The following SLC25A13 variants were observed in gnomAD, a reference collection of about 807,000 sequenced individuals.
The protein encoded by SLC25A13 is solute carrier family 25 member 13.
In SLC25A13, 70 loss-of-function variants were observed where a neutral mutation model predicts 85.5. The ratio of observed to expected loss-of-function variants is 0.82; its 90% CI spans 0.68 to 1.00. The LOEUF (loss-of-function observed/expected upper bound fraction) is 1.00, where lower values mean the gene tolerates loss of function less well. Among genes scored for constraint, SLC25A13 ranks in the 50% least tolerant of loss-of-function variants. SLC25A13 has a pLI of 0.00. For synonymous variants in SLC25A13, 259 were observed against 288.7 expected, an observed-to-expected ratio of 0.90 and a Z score of 1.04; for missense variants, 765 against 819.8, an observed-to-expected ratio of 0.93 and a Z score of 0.82.
At chr7:96,267,457 T>C (rs1562889617) in intron 3 of SLC25A13, among the ~76,000 whole-genome samples, 1 of 152,200 alleles carries the variant, frequency 6.6e-6, no homozygotes, top group Non-Finnish European at 1.5e-5. Flanking sequence ...TTGATGCCTT[T>C]ATTCTTCATG....
chr7:96,194,580 A>T (rs1245447613), intron 5 of SLC25A13, among the ~76,000 whole-genome samples: 2 of 151,512 alleles, frequency 1.3e-5, no homozygotes, highest in African/African-American at 4.8e-5. Context: ...CATCGTATTT[A>T]TTCAAGTTAT....
intron 5 of SLC25A13, among the ~76,000 whole-genome samples, chr7:96,199,552 C>G (rs187852671): frequency 6.6e-6 from 1 of 152,222 alleles, no homozygotes; most frequent in East Asian, 1.9e-4. Context: ...AATGGCCCTT[C>G]CTATCACCTA....
In SLC25A13 at chr7:96,264,437, T is replaced by A. The variant is rs888117147; in HGVS notation, c.212+12759A>T. On this transcript the variant is annotated intron_variant, in intron 3 of 17. Coordinates refer to ENST00000265631, the MANE Select transcript of SLC25A13 (RefSeq NM_014251.3). ...AAATCAAAGAAACCAAAAGACAACC[T>A]GTCCCCAAATCTCACCACTACATCT... Among the ~76,000 whole-genome samples, 6 of 152,164 alleles carry A rather than the reference T, an allele frequency of 3.9e-5. No homozygotes were observed. In the East Asian group the frequency reaches 1.2e-3, roughly 29 times the overall value.
intron 3 of SLC25A13, among the ~76,000 whole-genome samples, chr7:96,243,392 G>A (rs977727109): frequency 1.3e-5 from 2 of 152,210 alleles, no homozygotes; most frequent in Non-Finnish European, 2.9e-5. Flanking sequence ...AACCACATTT[G>A]CAGATGGGTG....
At chr7:96,169,205 C>T (rs1191110311) in intron 13 of SLC25A13, among the ~76,000 whole-genome samples, 5 of 152,082 alleles carry the variant, frequency 3.3e-5, no homozygotes, top group Admixed American at 1.3e-4. Flanking sequence ...CATTGCCCAA[C>T]GTCTACATTC....
At chr7:96,204,496 AC>A in intron 5 of SLC25A13, among the ~76,000 whole-genome samples, 1 of 152,020 alleles carries the variant, frequency 6.6e-6, no homozygotes, top group East Asian at 1.9e-4. Flanking sequence ...GCGCTAATGC[AC>A]CACTGCACTC....
intron 14 of SLC25A13, among the ~76,000 whole-genome samples, chr7:96,133,520 A>G (rs1792131929): frequency 6.6e-6 from 1 of 152,110 alleles, no homozygotes; most frequent in Non-Finnish European, 1.5e-5. Flanking sequence ...AGTTTTTTCC[A>G]CTTCTCCCAG....
chr7:96,184,178 T>C, intron 11 of SLC25A13, 99 bp downstream of exon 11: 1 of 1,441,422 alleles, frequency 6.9e-7, no homozygotes, highest in Non-Finnish European at 9.8e-7. Context: ...TGTATTTCCA[T>C]TTTAACGCAG....
intron 3 of SLC25A13, among the ~76,000 whole-genome samples, chr7:96,265,922 GCAAA>G (rs1798030133): frequency 6.6e-6 from 1 of 152,124 alleles, no homozygotes; most frequent in Admixed American, 6.6e-5. Flanking sequence ...GGCAGAAGGG[GCAAA>G]CAGATTCCCT....
chr7:96,141,216 T>A (rs1274149294), intron 14 of SLC25A13, among the ~76,000 whole-genome samples: 2 of 152,058 alleles, frequency 1.3e-5, no homozygotes, highest in African/African-American at 4.8e-5. Flanking sequence ...TTTGGAGGGA[T>A]GGTGTCTTGC....
At chr7:96,132,487 A>T (rs1238232447) in intron 14 of SLC25A13, among the ~76,000 whole-genome samples, 1 of 152,200 alleles carries the variant, frequency 6.6e-6, no homozygotes, top group Non-Finnish European at 1.5e-5. Flanking sequence ...TAAAGCCTGA[A>T]ATATTCACAA....
intron 5 of SLC25A13, among the ~76,000 whole-genome samples, chr7:96,194,271 CAAAAA>C (rs150127746): frequency 4.0e-5 from 5 of 123,976 alleles, no homozygotes; most frequent in Admixed American, 8.2e-5. Context: ...CCCATCTCTA[CAAAAA>C]AAAAAAAAAA....
chr7:96,166,496 A>G (rs1318919058), intron 13 of SLC25A13, among the ~76,000 whole-genome samples: 1 of 152,100 alleles, frequency 6.6e-6, no homozygotes, highest in African/African-American at 2.4e-5. Context: ...TAGTCATTGC[A>G]CCACTTGTAT....
At chr7:96,214,377 T>C (rs2116735706) in intron 4 of SLC25A13, among the ~76,000 whole-genome samples, 1 of 152,230 alleles carries the variant, frequency 6.6e-6, no homozygotes, top group Non-Finnish European at 1.5e-5. Flanking sequence ...AAAATCAATA[T>C]ACAAATATCA....
At chr7:96,240,531 G>C (rs1796929451) in intron 3 of SLC25A13, among the ~76,000 whole-genome samples, 1 of 152,120 alleles carries the variant, frequency 6.6e-6, no homozygotes, top group South Asian at 2.1e-4. Context: ...AGGAAGACCA[G>C]AGATGAAGAA....
intron 3 of SLC25A13, among the ~76,000 whole-genome samples, chr7:96,246,692 T>A (rs987086102): frequency 2.0e-5 from 3 of 152,216 alleles, no homozygotes; most frequent in South Asian, 2.1e-4. Context: ...ACATTTTGGA[T>A]ACACACAAAA....
intron 3 of SLC25A13, among the ~76,000 whole-genome samples, chr7:96,243,949 C>T (rs1797087079): frequency 6.6e-6 from 1 of 152,056 alleles, no homozygotes; most frequent in African/African-American, 2.4e-5. Flanking sequence ...ATGTGACTCG[C>T]CTCAGAGTTA....
intron 2 of SLC25A13, among the ~76,000 whole-genome samples, chr7:96,292,134 T>G (rs1214652982): frequency 2.0e-5 from 3 of 151,950 alleles, no homozygotes; most frequent in Non-Finnish European, 4.4e-5. Context: ...CATACGCAAA[T>G]CAATAAAAGT....
chr7:96,319,500 C>A (rs1562975268), intron 1 of SLC25A13, among the ~76,000 whole-genome samples: 1 of 146,416 alleles, frequency 6.8e-6, no homozygotes, highest in Non-Finnish European at 1.5e-5. Flanking sequence ...CAAGATCATG[C>A]CACTGCACTC....
Sources: gnomAD v4.1 joint callset for allele counts (sites outside exome capture counted in the v4.1 genomes callset) on GRCh38, gnomAD v4.1.1 for gene constraint, MANE v1.5 for transcripts, NCBI Gene and HGNC (gene_info 2026-07-23, HGNC 2026-07-21) for gene names.